PRKG1: variants seen among roughly 807,000 people sequenced by gnomAD.
PRKG1 encodes cGMP-dependent protein kinase 1.
Under a neutral mutation model 88.1 loss-of-function variants are expected in PRKG1, and 35 were observed. That is an observed-to-expected ratio of 0.40 (90% CI 0.30 to 0.53). PRKG1 has a LOEUF of 0.53. PRKG1 is among the 20% of genes least tolerant of loss of function. The pLI is 0.59. For missense variants in PRKG1, 540 were observed against 839.8 expected (o/e 0.64, Z 4.41); for synonymous variants, 303 against 292.5 (o/e 1.04, Z -0.37).
chr10:51,672,833 T>C (rs1357656202), intron 3 of PRKG1, among the ~76,000 whole-genome samples: 2 of 152,230 alleles, frequency 1.3e-5, no homozygotes, highest in Non-Finnish European at 2.9e-5. Flanking sequence ...TTTAATTTTA[T>C]ACCCTGAGTC....
At chr10:51,819,094 T>C (rs951821239) in intron 4 of PRKG1, among the ~76,000 whole-genome samples, 1 of 147,998 alleles carries the variant, frequency 6.8e-6, no homozygotes, top group African/African-American at 2.5e-5. Context: ...ATTTGACTCA[T>C]GGTTCTCCAG....
chr10:50,998,139 A>G (rs1194961316), intron 1 of PRKG1, among the ~76,000 whole-genome samples: 1 of 152,014 alleles, frequency 6.6e-6, no homozygotes, highest in Non-Finnish European at 1.5e-5. Flanking sequence ...AGTGTTTGCC[A>G]CTCCTTGTTG....
chr10:51,326,814 A>T (rs1401292963), intron 2 of PRKG1, among the ~76,000 whole-genome samples: 1 of 152,250 alleles, frequency 6.6e-6, no homozygotes, highest in Non-Finnish European at 1.5e-5. Context: ...TCTTCAACAT[A>T]GAATAAAAAT....
At chr10:51,648,239 T>G (rs1839961065) in intron 3 of PRKG1, among the ~76,000 whole-genome samples, 1 of 152,200 alleles carries the variant, frequency 6.6e-6, no homozygotes, top group East Asian at 1.9e-4. Flanking sequence ...TAGAAAGTTT[T>G]AAGTCTTGAT....
intron 3 of PRKG1, among the ~76,000 whole-genome samples, chr10:51,680,964 A>G (rs938536039): frequency 6.6e-6 from 1 of 152,204 alleles, no homozygotes; most frequent in South Asian, 2.1e-4. Context: ...GTAAGGATCT[A>G]TTAAAAACGA....
At chr10:51,021,610 A>AT (rs958047382) in intron 1 of PRKG1, among the ~76,000 whole-genome samples, 4 of 152,124 alleles carry the variant, frequency 2.6e-5, no homozygotes, top group Non-Finnish European at 5.9e-5. Flanking sequence ...AAAAGGTAGA[A>AT]TTTTTTTCCT....
intron 5 of PRKG1, among the ~76,000 whole-genome samples, chr10:51,947,182 C>T (rs1022518188): frequency 2.6e-5 from 4 of 152,132 alleles, no homozygotes; most frequent in African/African-American, 9.7e-5. Flanking sequence ...CTCCCCTCCC[C>T]CAGCCTCGCT....
intron 3 of PRKG1, among the ~76,000 whole-genome samples, chr10:51,492,424 T>C (rs1840729211): frequency 6.6e-6 from 1 of 152,176 alleles, no homozygotes; most frequent in Admixed American, 6.5e-5. Context: ...ATGACATGAA[T>C]GATAATTTGC....
intron 3 of PRKG1, among the ~76,000 whole-genome samples, chr10:51,772,994 G>C (rs540991833): frequency 2.0e-4 from 31 of 152,142 alleles, no homozygotes; most frequent in African/African-American, 7.2e-4. Context: ...GAGTGCATCA[G>C]TTAGTAAAAA....
chr10:51,717,792 A>T (rs1237362533), intron 3 of PRKG1, among the ~76,000 whole-genome samples: 1 of 151,556 alleles, frequency 6.6e-6, no homozygotes, highest in African/African-American at 2.4e-5. Flanking sequence ...AGATTATGCC[A>T]CTGCACTCCA....
intron 2 of PRKG1, among the ~76,000 whole-genome samples, chr10:51,418,628 C>G (rs903378681): frequency 1.3e-5 from 2 of 152,140 alleles, no homozygotes; most frequent in Admixed American, 1.3e-4. Context: ...TGGACTAATG[C>G]AACGAATGAA....
intron 5 of PRKG1, among the ~76,000 whole-genome samples, chr10:52,012,593 G>C (rs1400835378): frequency 2.0e-5 from 3 of 151,938 alleles, no homozygotes; most frequent in Non-Finnish European, 2.9e-5. Context: ...CACCATGTTG[G>C]CCAGGCTGGT....
rs562487766 is a variant in PRKG1, at chr10:51,392,458, A to C, written c.479-75265A>C. Among the ~76,000 whole-genome samples, 7 of 152,360 alleles carry C rather than the reference A, an allele frequency of 4.6e-5. No individual in the cohort carries two copies. The South Asian group carries it at 1.4e-3, about 32-fold the overall frequency. On this transcript the variant is annotated intron_variant, in intron 2 of 17. Coordinates refer to ENST00000373980, the MANE Select transcript of PRKG1 (RefSeq NM_006258.4). ...AGCACCGGGTTGGGGGTAAGGTCAC[A>C]GATCCACAGGATCCCATGGCAGAAG... is the stretch of plus-strand genomic sequence containing the variant.
chr10:52,115,132 G>T (rs747462245), intron 7 of PRKG1, among the ~76,000 whole-genome samples: 43 of 151,988 alleles, frequency 2.8e-4, no homozygotes, highest in Non-Finnish European at 6.0e-4. Context: ...ATCTTAGAAG[G>T]ATTTAGGGGT....
At chr10:51,552,566 CTTAT>C (rs1837165621) in intron 3 of PRKG1, among the ~76,000 whole-genome samples, 1 of 151,578 alleles carries the variant, frequency 6.6e-6, no homozygotes, top group Non-Finnish European at 1.5e-5. Context: ...TAAGTTTCTT[CTTAT>C]TTAAGAAAAT....
intron 1 of PRKG1, among the ~76,000 whole-genome samples, chr10:51,136,692 CTA>C (rs1332572008): frequency 6.6e-6 from 1 of 151,854 alleles, no homozygotes; most frequent in East Asian, 1.9e-4. Flanking sequence ...CTAGTAAGCT[CTA>C]TCTCTTTTCT....
chr10:51,893,659 T>C (rs1050089803), intron 4 of PRKG1, among the ~76,000 whole-genome samples: 1 of 152,222 alleles, frequency 6.6e-6, no homozygotes, highest in African/African-American at 2.4e-5. Context: ...TTACAGAAGC[T>C]AAATGACGTG....
intron 1 of PRKG1, among the ~76,000 whole-genome samples, chr10:51,108,537 C>G (rs1221482688): frequency 6.6e-6 from 1 of 152,132 alleles, no homozygotes; most frequent in Non-Finnish European, 1.5e-5. Flanking sequence ...ACTATATGAT[C>G]ATCTCCATTG....
chr10:52,111,460 C>G (rs1039132494), intron 7 of PRKG1, among the ~76,000 whole-genome samples: 2 of 152,172 alleles, frequency 1.3e-5, no homozygotes, highest in African/African-American at 4.8e-5. Flanking sequence ...TGATGTTTCT[C>G]TACTCTTATT....
Sources: gnomAD v4.1 joint callset for allele counts (sites outside exome capture counted in the v4.1 genomes callset) on GRCh38, gnomAD v4.1.1 for gene constraint, MANE v1.5 for transcripts, NCBI Gene and HGNC (gene_info 2026-07-23, HGNC 2026-07-21) for gene names.